The following EIF3D variants were observed in gnomAD, a reference collection of about 807,000 sequenced individuals.
The protein encoded by EIF3D is eukaryotic translation initiation factor 3 subunit D, also known as eIF3 p66.
Under a neutral mutation model 75.4 loss-of-function variants are expected in EIF3D, and 10 were observed. That is an observed-to-expected ratio of 0.13 (90% confidence interval 0.08 to 0.22). EIF3D has a LOEUF of 0.22. Ranked by LOEUF, EIF3D falls within the 10% of genes least tolerant of loss-of-function variation. The pLI is 1.00. For synonymous variants in EIF3D, 246 were observed against 248.3 expected (o/e 0.99, Z 0.09); for missense variants, 394 against 708.0 (o/e 0.56, Z 5.03).
chr22:36,517,204 C>T, intron 10 of EIF3D, 97 bp downstream of exon 10: 1 of 1,553,928 alleles, frequency 6.4e-7, no homozygotes, highest in East Asian at 2.3e-5. Context: ...CTGACCTGCT[C>T]AGTCCCACAA....
chr22:36,528,189 C>A (rs1228396452), intron 1 of EIF3D, among the ~76,000 whole-genome samples: 1 of 152,102 alleles, frequency 6.6e-6, no homozygotes, highest in Non-Finnish European at 1.5e-5. Context: ...GATTTGATTT[C>A]CAGGGTTGCC....
At position 36,523,888 on chromosome 22, in the gene EIF3D, A is replaced by G. The variant is rs1603499028; in HGVS notation, c.392+7T>C. On this transcript the variant is annotated splice_region_variant and intron_variant, in intron 5 of 14. Coordinates refer to ENST00000216190, the MANE Select transcript of EIF3D (RefSeq NM_003753.4). ...GGTGTCTTGTTCCAGCAGGATGAAA[A>G]TCTCACCTCTCTTTCTGTTTGGCAC... 6.2e-7 allele frequency: 1 copy of G among 1,613,056 alleles called. No homozygotes were observed. The highest frequency in any genetic ancestry group is 1.7e-5 in the Admixed American group (1 of 59,972).
chr22:36,522,121 A>T (rs1934523388), intron 6 of EIF3D, among the ~76,000 whole-genome samples: 1 of 152,134 alleles, frequency 6.6e-6, no homozygotes, highest in African/African-American at 2.4e-5. Flanking sequence ...TGGGAGGCTG[A>T]GGTGGGTGGA....
At position 36,512,528 on chromosome 22, in the gene EIF3D, G is replaced by T; in HGVS notation, c.1281C>A (p.Asn427Lys). The T allele has an allele frequency of 1.2e-6, 2 of 1,614,180 alleles. No individual in the cohort carries two copies. Among genetic ancestry groups the T allele is most frequent in the Non-Finnish European group, 1.7e-6 (2 of 1,180,028 alleles). The change falls in exon 13 of 15, where the codon AAC becomes AAA. Residue 427 changes from asparagine (N) to lysine (K), a missense_variant. Coordinates refer to ENST00000216190, the MANE Select transcript of EIF3D (RefSeq NM_003753.4). The part of the protein sequence containing the change: ...RGAVIATELK[N>K]NSYKLARWTC... ...TCCACCGGGCCAACTTGTAGCTGTT[G>T]TTCTTCAGCTCCGTGGCAATGACAG...
chr22:36,527,230 A>C (rs1934619116), intron 1 of EIF3D, among the ~76,000 whole-genome samples: 1 of 151,842 alleles, frequency 6.6e-6, no homozygotes, highest in Admixed American at 6.5e-5. Context: ...TCATTCATTC[A>C]TACAGTCCTG....
chr22:36,524,461 C>T (rs1934563965), intron 4 of EIF3D, 135 bp downstream of exon 4: 9 of 1,268,242 alleles, frequency 7.1e-6, no homozygotes, highest in South Asian at 2.8e-5. Flanking sequence ...TGTTATGGAA[C>T]GGTGACCCGA....
At chr22:36,512,975 T>C (rs1364845938) in intron 12 of EIF3D, 2 of 167,324 alleles carry the variant, frequency 1.2e-5, no homozygotes, top group Non-Finnish European at 2.6e-5. Context: ...GTGAGCCAAG[T>C]GGAGAATATT....
intron 6 of EIF3D, among the ~76,000 whole-genome samples, chr22:36,521,126 G>C (rs1007014383): frequency 4.6e-5 from 7 of 152,174 alleles, no homozygotes; most frequent in African/African-American, 1.7e-4. Context: ...CTTGAATCTG[G>C]GAGGCGGAGG....
intron 5 of EIF3D, among the ~76,000 whole-genome samples, 199 bp downstream of exon 5, chr22:36,523,696 G>C (rs1934551574): frequency 6.6e-6 from 1 of 151,962 alleles, no homozygotes; most frequent in Non-Finnish European, 1.5e-5. Flanking sequence ...CCAGCACAAG[G>C]AGTTAGTTTC....
At position 36,529,134 on chromosome 22, in the gene EIF3D, A is replaced by G; in HGVS notation, c.-69T>C. The stretch of plus-strand genomic sequence containing the variant: ...GATGGTGCGTGCCGGGGACCGCGTT[A>G]GCAGCAGCACTCTTGAGAAACCAGG... On this transcript the variant is annotated 5_prime_UTR_variant, in exon 1 of 15. Transcript: ENST00000216190. The G allele has an allele frequency of 2.5e-6, 1 of 395,986 alleles. No individual in the cohort carries two copies. The highest frequency in any genetic ancestry group is 4.5e-6 in the Non-Finnish European group (1 of 224,680). 24.5% of individuals were successfully genotyped at this position (395,986 alleles called of 1,614,324 possible). A position where few individuals can be genotyped will look rare whatever the true frequency, so the allele number is the denominator to read the frequency against.
intron 9 of EIF3D, among the ~76,000 whole-genome samples, chr22:36,518,323 T>C (rs1174014646): frequency 2.6e-5 from 4 of 151,958 alleles, no homozygotes; most frequent in Non-Finnish European, 5.9e-5. Context: ...AAACCGTCTC[T>C]ACTAAAAATA....
Position 36,518,693 on chromosome 22 carries a change from A to C in EIF3D, c.859+70T>G, listed in dbSNP as rs1160542512. 2.5e-6 allele frequency: 4 copies of C among 1,577,330 alleles called. No homozygotes were observed. The African/African-American group carries it at 5.4e-5, about 21-fold the overall frequency. Reference sequence around the variant, plus strand: ...GACCACTTTCTATCCATTCTCTAGTACCAGAGACTTGTTCTGTACCAACAA... The same window carrying C: ...GACCACTTTCTATCCATTCTCTAGTCCCAGAGACTTGTTCTGTACCAACAA... On this transcript the variant is annotated intron_variant, in intron 9 of 14. Coordinates refer to ENST00000216190, the MANE Select transcript of EIF3D (RefSeq NM_003753.4).
intron 12 of EIF3D, 43 bp from the exon 13 acceptor site, chr22:36,512,645 T>C: frequency 6.3e-7 from 1 of 1,589,036 alleles, no homozygotes; most frequent in Non-Finnish European, 8.6e-7. Flanking sequence ...AAGCTCCAAA[T>C]GCCCAAGGTG....
intron 1 of EIF3D, among the ~76,000 whole-genome samples, chr22:36,527,676 T>C (rs1181308510): frequency 6.6e-6 from 1 of 152,082 alleles, no homozygotes; most frequent in Non-Finnish European, 1.5e-5. Flanking sequence ...CAGTCTCTAC[T>C]AAAAATACAA....
At chr22:36,523,506 T>C (rs1284415904) in intron 5 of EIF3D, among the ~76,000 whole-genome samples, 1 of 152,216 alleles carries the variant, frequency 6.6e-6, no homozygotes, top group Admixed American at 6.5e-5. Flanking sequence ...ACTTCATCTA[T>C]AGTGACTGTT....
At chr22:36,519,045 A>G (rs1316490807) in intron 8 of EIF3D, 135 bp from the exon 9 acceptor site, 1 of 1,230,970 alleles carries the variant, frequency 8.1e-7, no homozygotes, top group Non-Finnish European at 1.1e-6. Context: ...GACCAAAAAC[A>G]CTGCAGCCAG....
chr22:36,518,507 A>C (rs547331811), intron 9 of EIF3D, among the ~76,000 whole-genome samples: 23 of 151,556 alleles, frequency 1.5e-4, no homozygotes, highest in East Asian at 1.4e-3. Context: ...AAAAAAAAAA[A>C]AACAACAAAA....
intron 12 of EIF3D, among the ~76,000 whole-genome samples, chr22:36,514,325 C>T (rs954461478): frequency 1.1e-4 from 17 of 151,218 alleles, no homozygotes; most frequent in African/African-American, 4.1e-4. Context: ...AAGATGACCC[C>T]CAGTGACCCT....
intron 12 of EIF3D, among the ~76,000 whole-genome samples, chr22:36,515,285 T>C (rs559686462): frequency 5.6e-4 from 85 of 152,278 alleles, no homozygotes; most frequent in Non-Finnish European, 9.3e-4. Context: ...TCCCAGCACT[T>C]TGGGAGGCCG....
Sources: allele counts gnomAD v4.1 joint callset (sites outside exome capture counted in the v4.1 genomes callset), GRCh38; gene constraint gnomAD v4.1.1; transcripts MANE v1.5; gene names NCBI Gene and HGNC (gene_info 2026-07-23, HGNC 2026-07-21).